Variants in TYK2 observed in about 807,000 individuals in gnomAD.
TYK2 encodes non-receptor tyrosine-protein kinase TYK2.
In TYK2, 65 loss-of-function variants were observed where a neutral mutation model predicts 130.9. The observed-to-expected ratio is 0.50, with a 90% CI of 0.41 to 0.61. The LOEUF is 0.61. TYK2 is among the 20% of genes least tolerant of loss of function. The probability of loss-of-function intolerance (pLI) is 0.00; values close to 1 mark genes in which losing one functional copy is unlikely to be tolerated. For synonymous variants in TYK2, 647 were observed against 658.9 expected (o/e 0.98, Z 0.28); for missense variants, 1,378 against 1,610.7 (o/e 0.86, Z 2.47).
chr19:10,374,878 G>A (rs989756891), intron 3 of TYK2, among the ~76,000 whole-genome samples: 43 of 147,526 alleles, frequency 2.9e-4, no homozygotes, highest in African/African-American at 1.0e-3. Context: ...GCGAGACTTC[G>A]TTTCAAAAAA....
rs2041740028 is a variant in TYK2 at position 10,367,909 on chromosome 19, G to A, written c.465+146C>T. 1.3e-5 allele frequency: 12 copies of A among 911,696 alleles called. No individual in the cohort carries two copies. In the Admixed American group the frequency reaches 1.8e-4, roughly 13 times the overall value. The allele number at this position is 911,696 out of a possible 1,614,324, so 56.5% of individuals were successfully genotyped here. ...CACTTCAGCCTGGGCGACAGAGCAAGACTCCGTCTCAAAAAAAAAAAAAAG... is the reference window on the plus strand; with the variant it reads ...CACTTCAGCCTGGGCGACAGAGCAAAACTCCGTCTCAAAAAAAAAAAAAAG... On this transcript the variant is annotated intron_variant, in intron 5 of 24. Coordinates refer to ENST00000525621, the MANE Select transcript of TYK2 (RefSeq NM_003331.5).
chr19:10,371,920 GCTGA>G (rs562590117), intron 3 of TYK2, among the ~76,000 whole-genome samples: 152 of 152,242 alleles, frequency 1.0e-3, no homozygotes, highest in Middle Eastern at 3.4e-3. Context: ...GAGCACATGA[GCTGA>G]CTGTTTATAG....
chr19:10,358,274 T>G, intron 15 of TYK2, 136 bp from the exon 16 acceptor site: 1 of 846,318 alleles, frequency 1.2e-6, no homozygotes, highest in Non-Finnish European at 1.8e-6. Context: ...TTTTGTTTTT[T>G]GGGGGGTTAT....
rs1163828789 is a variant in TYK2 at position 10,365,681 on chromosome 19, G to C, written c.847C>G (p.Leu283Val). 6.2e-7 allele frequency: 1 copy of C among 1,613,246 alleles called. No homozygotes were observed. Among genetic ancestry groups the C allele is most frequent in the Non-Finnish European group, 8.5e-7 (1 of 1,179,838 alleles). ...ERVPVCHLRL[L>V]AQAEGEPCYI... Reference sequence around the variant, plus strand: ...CAGGGCTCCCCCTCGGCCTGGGCCAGCAGCCTCAGGTGGCACACGGGCACA... The same window carrying C: ...CAGGGCTCCCCCTCGGCCTGGGCCACCAGCCTCAGGTGGCACACGGGCACA... Residue 283 changes from leucine to valine, a missense_variant, in exon 7 of 25, where the codon CTG becomes GTG. By Grantham distance (32) the Leu-to-Val change is conservative. Coordinates refer to ENST00000525621, the MANE Select transcript of TYK2 (RefSeq NM_003331.5).
intron 18 of TYK2, among the ~76,000 whole-genome samples, chr19:10,354,905 A>C (rs1358558748): frequency 6.6e-6 from 1 of 151,670 alleles, no homozygotes; most frequent in Non-Finnish European, 1.5e-5. Flanking sequence ...TAAAAAAAAA[A>C]ATTAGCCAGG....
At chr19:10,379,089 C>T (rs1261255125) in intron 2 of TYK2, among the ~76,000 whole-genome samples, 1 of 152,028 alleles carries the variant, frequency 6.6e-6, no homozygotes, top group South Asian at 2.1e-4. Flanking sequence ...GAACCTCTGA[C>T]CTCAGGTGAT....
chr19:10,378,519 G>A, intron 2 of TYK2, 93 bp from the exon 3 acceptor site: 1 of 1,034,966 alleles, frequency 9.7e-7, no homozygotes, highest in East Asian at 2.6e-5. Flanking sequence ...AAGGCCTGAG[G>A]GGAAGATTCT....
rs1212475961 is a variant in TYK2 at position 10,353,972 on chromosome 19, GCCCACAAGGCCACA to G, written c.2908+56_2908+69del. 37 of 1,522,294 alleles carry G rather than the reference GCCCACAAGGCCACA, an allele frequency of 2.4e-5. No individual in the cohort carries two copies. The East Asian group carries it at 8.2e-4, about 34-fold the overall frequency. 94.3% of individuals were successfully genotyped at this position (1,522,294 alleles called of 1,614,324 possible). A position where few individuals can be genotyped will look rare whatever the true frequency, so the allele number is the denominator to read the frequency against. On this transcript the variant is annotated intron_variant, in intron 20 of 24. Transcript: ENST00000525621. This position sits in a 1 kb window ranked among gnomAD's most constrained non-coding sequence, Gnocchi z 6.9. The stretch of plus-strand genomic sequence containing the variant: ...TAATTGGCTAGGCCAGACTGGCCCC[GCCCACAAGGCCACA>G]CCCACGCTCTAACCACGCCCCCTCA...
Position 10,375,303 on chromosome 19 carries a change from G to A in TYK2, c.193+2911C>T, listed in dbSNP as rs535038583. On this transcript the variant is annotated intron_variant, in intron 3 of 24. Transcript: ENST00000525621. ...GAGGAGTTTCTGGAGGAAGGTATAT[G>A]TAACCAAAGCCGCCTTAGAAAGGCC... is the stretch of plus-strand genomic sequence containing the variant. 3.9e-5 allele frequency among the ~76,000 whole-genome samples: 6 copies of A among 152,256 alleles called. No homozygotes were observed. The East Asian group carries it at 9.7e-4, about 25-fold the overall frequency.
At position 10,364,005 on chromosome 19, in the gene TYK2, CTGA is replaced by C. The variant is rs1405999775; in HGVS notation, c.1367+606_1367+608del. ...AGGACAGCCACACACTCCCCTGCAC[CTGA>C]TGATGACATAAGTACCGACAACTTC... On this transcript the variant is annotated intron_variant, in intron 9 of 24. Transcript: ENST00000525621. This position sits in a 1 kb window ranked among gnomAD's most constrained non-coding sequence, Gnocchi z 4.9. Among the ~76,000 whole-genome samples the C allele has an allele frequency of 1.3e-5, 2 of 152,228 alleles. No individual in the cohort carries two copies. The highest frequency in any genetic ancestry group is 2.9e-5 in the Non-Finnish European group (2 of 68,044).
chr19:10,358,089 A>T lies in TYK2; in HGVS notation c.2225T>A (p.Leu742Gln). ...HGNVCGRNIL[L>Q]ARLGLAEGTS... ...GCCCTCTGCCAACCCCAGCCGGGCC[A>T]GCAGGATGTTCCGGCCACACACATT... Residue 742 changes from leucine to glutamine, a missense_variant, in exon 16 of 25, where the codon CTG (leucine) becomes CAG (glutamine). Transcript: ENST00000525621. The T allele has an allele frequency of 6.2e-7, 1 of 1,612,776 alleles. No individual in the cohort carries two copies. Among genetic ancestry groups the T allele is most frequent in the Non-Finnish European group, 8.5e-7 (1 of 1,179,748 alleles).
chr19:10,354,895 TAA>T (rs995127063), intron 18 of TYK2, among the ~76,000 whole-genome samples: 1 of 143,820 alleles, frequency 7.0e-6, no homozygotes, highest in African/African-American at 2.6e-5. Flanking sequence ...ACAAAAAAGT[TAA>T]AAAAAAAAAT....
At chr19:10,378,923 C>T (rs542610573) in intron 2 of TYK2, among the ~76,000 whole-genome samples, 1 of 152,172 alleles carries the variant, frequency 6.6e-6, no homozygotes, top group African/African-American at 2.4e-5. Flanking sequence ...GGCTGGAGTG[C>T]AATGGTACAA....
At chr19:10,359,447 A>T in intron 14 of TYK2, 145 bp from the exon 15 acceptor site, 1 of 1,004,100 alleles carries the variant, frequency 1.0e-6, no homozygotes, top group Non-Finnish European at 1.5e-6. Context: ...GTCTGGGTTG[A>T]AAGTGAGTTT....
intron 2 of TYK2, among the ~76,000 whole-genome samples, chr19:10,379,181 T>C (rs139741115): frequency 2.0e-5 from 3 of 151,858 alleles, no homozygotes; most frequent in South Asian, 2.1e-4. Context: ...TTTTAAAATT[T>C]AGCCAGGCGT....
intron 5 of TYK2, 140 bp downstream of exon 5, chr19:10,367,915 G>C: frequency 1.1e-6 from 1 of 950,716 alleles, no homozygotes; most frequent in Non-Finnish European, 1.5e-6. Flanking sequence ...GCAAGACTCC[G>C]TCTCAAAAAA....
At chr19:10,376,762 C>T (rs955452091) in intron 3 of TYK2, among the ~76,000 whole-genome samples, 4 of 151,794 alleles carry the variant, frequency 2.6e-5, no homozygotes, top group South Asian at 2.1e-4. Context: ...ACCCCACGCC[C>T]GGCTAGTTTT....
Position 10,353,982 on chromosome 19 carries a change from C to G in TYK2, c.2908+60G>C. 6.4e-7 allele frequency: 1 copy of G among 1,565,880 alleles called. No individual in the cohort carries two copies. Among genetic ancestry groups the G allele is most frequent in the Non-Finnish European group, 8.8e-7 (1 of 1,140,224 alleles). On this transcript the variant is annotated intron_variant, in intron 20 of 24. Coordinates refer to ENST00000525621, the MANE Select transcript of TYK2 (RefSeq NM_003331.5). The surrounding 1 kb of genome is among the most constrained non-coding windows in gnomAD (Gnocchi z 6.9). ...GGCCAGACTGGCCCCGCCCACAAGGCCACACCCACGCTCTAACCACGCCCC... is the reference window on the plus strand; with the variant it reads ...GGCCAGACTGGCCCCGCCCACAAGGGCACACCCACGCTCTAACCACGCCCC...
Position 10,368,114 on chromosome 19 carries a change from G to T in TYK2, c.406C>A (p.Gln136Lys), listed in dbSNP as rs766052825. 2.5e-6 allele frequency: 4 copies of T among 1,613,970 alleles called. No homozygotes were observed. The highest frequency in any genetic ancestry group is 3.4e-6 in the Non-Finnish European group (4 of 1,180,030). The part of the protein sequence containing the change: ...GPPGTEASSD[Q>K]TAQGMQLLDP... ...AGGAGTTGCATCCCCTGTGCTGTCT[G>T]ATCTGAGGATGCCTCGGTTCCTGGG... The change falls in exon 5 of 25, where the codon CAG becomes AAG. Residue 136 changes from glutamine to lysine, a missense_variant. Gln to Lys is a moderately conservative substitution (Grantham distance 53). Coordinates refer to ENST00000525621, the MANE Select transcript of TYK2 (RefSeq NM_003331.5).
Sources: gnomAD v4.1 joint callset for allele counts (sites outside exome capture counted in the v4.1 genomes callset) on GRCh38, gnomAD v4.1.1 for gene constraint, Gnocchi (gnomAD v3.1) non-coding constraint, MANE v1.5 for transcripts, NCBI Gene and HGNC (gene_info 2026-07-23, HGNC 2026-07-21) for gene names.